Variants in RBFOX1 observed in about 807,000 individuals in gnomAD.
RBFOX1 encodes RNA binding fox-1 homolog 1, also known as RNA binding protein fox-1 homolog 1.
A neutral mutation model predicts 57.7 loss-of-function variants in RBFOX1; 8 were observed. That is an observed-to-expected ratio of 0.14 (90% CI 0.08 to 0.25). The LOEUF (loss-of-function observed/expected upper bound fraction) is 0.25, where lower values mean the gene tolerates loss of function less well. Among genes scored for constraint, RBFOX1 ranks in the 10% least tolerant of loss-of-function variants. RBFOX1 has a pLI of 1.00. For synonymous variants in RBFOX1, 326 were observed against 222.4 expected (o/e 1.47, Z -4.15); for missense variants, 611 against 548.5 (o/e 1.11, Z -1.14).
At chr16:7,055,437 C>A (rs1013034286) in intron 4 of RBFOX1, among the ~76,000 whole-genome samples, 3 of 152,160 alleles carry the variant, frequency 2.0e-5, no homozygotes, top group African/African-American at 7.2e-5. Flanking sequence ...CAGTGGTTTG[C>A]AATCCCTGTG....
At chr16:7,710,468 T>TTCCCC in intron 15 of RBFOX1, 155 bp from the exon 16 acceptor site, 1 of 1,498,968 alleles carries the variant, frequency 6.7e-7, no homozygotes, top group African/African-American at 1.4e-5. Context: ...GGAATGGCCC[T>TTCCCC]ATCTTTAGTT....
At chr16:6,074,205 A>C (rs1811320) in intron 1 of RBFOX1, among the ~76,000 whole-genome samples, 71,215 of 151,884 alleles carry the variant, frequency 0.47, 16,986 homozygotes, top group East Asian at 0.55. Context: ...GCCTCAGCCT[A>C]CCAAAGTGCT....
chr16:5,901,768 T>G (rs917183201), intron 4 of RBFOX1, among the ~76,000 whole-genome samples: 1 of 152,226 alleles, frequency 6.6e-6, no homozygotes. Context: ...TTTCACACAT[T>G]ACCCAAATTG....
At chr16:6,815,471 C>G (rs908260834) in intron 3 of RBFOX1, among the ~76,000 whole-genome samples, 9 of 152,100 alleles carry the variant, frequency 5.9e-5, no homozygotes, top group Non-Finnish European at 1.2e-4. Context: ...GCAGTGGAAT[C>G]CATTAAAAGA....
At chr16:6,587,530 C>T (rs1046744898) in intron 2 of RBFOX1, among the ~76,000 whole-genome samples, 4 of 152,142 alleles carry the variant, frequency 2.6e-5, no homozygotes, top group African/African-American at 9.7e-5. Flanking sequence ...GATCCACCTG[C>T]CTCGGCCTCT....
At chr16:6,454,308 G>C (rs368859618) in intron 2 of RBFOX1, among the ~76,000 whole-genome samples, 9 of 152,172 alleles carry the variant, frequency 5.9e-5, no homozygotes, top group African/African-American at 1.9e-4. Context: ...TGCAACTGTA[G>C]CACTTTGGGA....
chr16:5,506,484 C>A (rs955752176), intron 2 of RBFOX1, among the ~76,000 whole-genome samples: 2 of 152,186 alleles, frequency 1.3e-5, no homozygotes, highest in Non-Finnish European at 2.9e-5. Flanking sequence ...TTAGGAATGT[C>A]CCCAGTGCAA....
intron 12 of RBFOX1, among the ~76,000 whole-genome samples, chr16:7,662,712 C>T (rs1343522605): frequency 6.6e-6 from 1 of 152,214 alleles, no homozygotes; most frequent in Non-Finnish European, 1.5e-5. Context: ...CACCCAGCTG[C>T]AGGTGGGCAC....
chr16:6,192,002 T>G (rs987294495), intron 1 of RBFOX1, among the ~76,000 whole-genome samples: 1 of 152,170 alleles, frequency 6.6e-6, no homozygotes. Context: ...ATCTAGTAGA[T>G]TGAGGAAGAA....
chr16:7,486,966 C>A (rs535661006), intron 4 of RBFOX1, among the ~76,000 whole-genome samples: 1 of 152,178 alleles, frequency 6.6e-6, no homozygotes, highest in African/African-American at 2.4e-5. Context: ...GTGGCACAAT[C>A]TCGGCTCACT....
At chr16:5,278,548 A>G (rs184585789) in intron 1 of RBFOX1, among the ~76,000 whole-genome samples, 3 of 152,188 alleles carry the variant, frequency 2.0e-5, no homozygotes, top group Admixed American at 1.3e-4. Flanking sequence ...GCTGTAAGGG[A>G]GGGGTGTTGT....
intron 2 of RBFOX1, among the ~76,000 whole-genome samples, chr16:6,386,818 G>C (rs1236987310): frequency 1.3e-5 from 2 of 152,210 alleles, no homozygotes; most frequent in Admixed American, 6.5e-5. Context: ...AATTATTCAT[G>C]AGATGATCAA....
intron 2 of RBFOX1, among the ~76,000 whole-genome samples, chr16:5,542,295 C>T (rs1276563853): frequency 6.9e-6 from 1 of 143,930 alleles, no homozygotes; most frequent in Non-Finnish European, 1.5e-5. Flanking sequence ...GTCACCAAGG[C>T]TGGAGTGCAG....
chr16:6,634,309 G>A (rs1233606066), intron 2 of RBFOX1, among the ~76,000 whole-genome samples: 1 of 151,950 alleles, frequency 6.6e-6, no homozygotes, highest in Non-Finnish European at 1.5e-5. Context: ...CAGATCACCC[G>A]CTTCTGAGTC....
intron 4 of RBFOX1, among the ~76,000 whole-genome samples, chr16:5,984,946 TTA>T (rs61004841): frequency 0.011 from 798 of 69,600 alleles, 11 homozygotes; most frequent in Middle Eastern, 0.053. Flanking sequence ...GGCAACTCCA[TTA>T]TATATATATA....
chr16:5,310,895 A>G (rs1372638909), intron 1 of RBFOX1, among the ~76,000 whole-genome samples: 1 of 152,202 alleles, frequency 6.6e-6, no homozygotes, highest in African/African-American at 2.4e-5. Context: ...TTGGTCACCT[A>G]GGTGAATTGT....
chr16:6,398,342 C>T (rs1392403673), intron 2 of RBFOX1, among the ~76,000 whole-genome samples: 1 of 152,132 alleles, frequency 6.6e-6, no homozygotes, highest in African/African-American at 2.4e-5. Flanking sequence ...CATTTAAAAA[C>T]ACAATTATTC....
At chr16:7,410,284 A>G (rs139884582) in intron 4 of RBFOX1, among the ~76,000 whole-genome samples, 1 of 152,204 alleles carries the variant, frequency 6.6e-6, no homozygotes, top group Non-Finnish European at 1.5e-5. Context: ...TCTATTACAG[A>G]TACTGTTATT....
At chr16:7,449,710 A>C (rs1333864565) in intron 4 of RBFOX1, among the ~76,000 whole-genome samples, 8 of 109,718 alleles carry the variant, frequency 7.3e-5, no homozygotes, top group African/African-American at 3.0e-4. Context: ...AAAAAGAAAC[A>C]TGTATGTGTG....
Sources: gnomAD v4.1 joint callset for allele counts (sites outside exome capture counted in the v4.1 genomes callset) on GRCh38, gnomAD v4.1.1 for gene constraint, MANE v1.5 for transcripts, NCBI Gene and HGNC (gene_info 2026-07-23, HGNC 2026-07-21) for gene names.